Variants in PSMA1 observed in about 807,000 individuals in gnomAD.
The protein encoded by PSMA1 is proteasome 20S subunit alpha 1, also known as proteasome subunit alpha type-1.
Under a neutral mutation model 38.4 loss-of-function variants are expected in PSMA1, and 3 were observed. That is an observed-to-expected ratio of 0.08 (90% CI 0.04 to 0.20). The LOEUF (loss-of-function observed/expected upper bound fraction) is 0.20, where lower values mean the gene tolerates loss of function less well. Among genes scored for constraint, PSMA1 ranks in the 10% least tolerant of loss-of-function variants. The probability of loss-of-function intolerance (pLI) is 1.00; values close to 1 mark genes in which losing one functional copy is unlikely to be tolerated. For missense variants in PSMA1, 227 were observed against 325.3 expected (o/e 0.70, Z 2.32); for synonymous variants, 101 against 107.1 (o/e 0.94, Z 0.35).
intron 1 of PSMA1, among the ~76,000 whole-genome samples, chr11:14,639,006 T>C (rs1853164549): frequency 6.6e-6 from 1 of 152,162 alleles, no homozygotes. Flanking sequence ...ATAGATTTAA[T>C]ACTTTTACCA....
chr11:14,582,883 G>T (rs1203327162), intron 2 of PSMA1, among the ~76,000 whole-genome samples: 1 of 152,140 alleles, frequency 6.6e-6, no homozygotes. Flanking sequence ...GCAACTGAAT[G>T]TATATCCAAG....
rs557942277 is a variant in PSMA1 at position 14,560,821 on chromosome 11, C to T, written c.22-41780G>A. On this transcript the variant is annotated intron_variant, in intron 2 of 10. Coordinates refer to the PSMA1 transcript ENST00000418988. ...GCACCTCAGTTGCACCTGCAGAAGG[C>T]GATTTCATTACTCTGTCAAGCTGAC... Among the ~76,000 whole-genome samples the T allele has an allele frequency of 6.9e-4, 105 of 152,156 alleles. 1 individual carries two copies. The highest frequency in any genetic ancestry group is 9.0e-4 in the Non-Finnish European group (61 of 68,006).
intron 4 of PSMA1, among the ~76,000 whole-genome samples, chr11:14,514,802 A>G (rs902547223): frequency 6.6e-6 from 1 of 152,220 alleles, no homozygotes; most frequent in Non-Finnish European, 1.5e-5. Context: ...TATCCTTCCC[A>G]CTGTCAGCAA....
intron 1 of PSMA1, among the ~76,000 whole-genome samples, chr11:14,636,335 T>A (rs1349592743): frequency 1.3e-5 from 2 of 152,202 alleles, no homozygotes; most frequent in African/African-American, 4.8e-5. Context: ...TTATGCTTTT[T>A]TGTCCCCCTT....
intron 8 of PSMA1, 90 bp from the exon 9 acceptor site, chr11:14,507,856 G>T (rs1851272259): frequency 1.2e-6 from 1 of 861,480 alleles, no homozygotes; most frequent in Non-Finnish European, 1.8e-6. Context: ...AGCAGAATAA[G>T]AATTTATATA....
intron 2 of PSMA1, among the ~76,000 whole-genome samples, chr11:14,539,357 C>G (rs1851746014): frequency 6.6e-6 from 1 of 152,064 alleles, no homozygotes; most frequent in South Asian, 2.1e-4. Flanking sequence ...TTCCACTTTA[C>G]ACAGAGTTGA....
intron 2 of PSMA1, among the ~76,000 whole-genome samples, chr11:14,595,294 T>C (rs1169907607): frequency 1.3e-5 from 2 of 152,204 alleles, no homozygotes; most frequent in African/African-American, 4.8e-5. Context: ...CTGGGTCAAA[T>C]GGTAATTCTA....
intron 2 of PSMA1, among the ~76,000 whole-genome samples, chr11:14,610,050 G>A (rs1263800682): frequency 6.6e-6 from 1 of 152,160 alleles, no homozygotes; most frequent in Admixed American, 6.5e-5. Flanking sequence ...CAGGAGTCAG[G>A]AAATTGTGAG....
intron 2 of PSMA1, among the ~76,000 whole-genome samples, chr11:14,536,603 A>C (rs1386698985): frequency 6.6e-6 from 1 of 151,256 alleles, no homozygotes; most frequent in East Asian, 1.9e-4. Flanking sequence ...GCAGCATTTA[A>C]AAAAATTTTT....
intron 2 of PSMA1, among the ~76,000 whole-genome samples, chr11:14,568,743 C>T (rs1009911412): frequency 6.6e-5 from 10 of 152,228 alleles, no homozygotes; most frequent in African/African-American, 1.2e-4. Flanking sequence ...CTCTTAGTGT[C>T]TTGGCTAGTG....
chr11:14,597,201 A>G (rs1021310459), intron 2 of PSMA1, among the ~76,000 whole-genome samples: 5 of 152,110 alleles, frequency 3.3e-5, no homozygotes, highest in African/African-American at 7.2e-5. Flanking sequence ...TTGGTCTAAA[A>G]TTACTTTTTT....
chr11:14,532,905 T>TAAAAAAAAAAAAAAAAAAAAAAAAAAAAA (rs1045512634), intron 2 of PSMA1, among the ~76,000 whole-genome samples: 1 of 150,524 alleles, frequency 6.6e-6, no homozygotes, highest in African/African-American at 2.5e-5. Context: ...AAAAAAAATT[T>TAAAAAAAAAAAAAAAAAAAAAAAAAAAAA]AAAAAAAATC....
chr11:14,589,391 ATGTG>A (rs1180635712), intron 2 of PSMA1, among the ~76,000 whole-genome samples: 6 of 149,630 alleles, frequency 4.0e-5, no homozygotes, highest in African/African-American at 9.9e-5. Context: ...GTGTATATAT[ATGTG>A]TGTGTATATA....
Position 14,560,194 on chromosome 11 carries a change from C to A in PSMA1, c.22-41153G>T, listed in dbSNP as rs557616835. On this transcript the variant is annotated intron_variant, in intron 2 of 10. Transcript: ENST00000418988. Reference sequence around the variant, plus strand: ...CCAACCAGGGGATCTGAGTGGCAAACCACAGCATTCATTACAGCCAATGCT... The same window carrying A: ...CCAACCAGGGGATCTGAGTGGCAAAACACAGCATTCATTACAGCCAATGCT... Among the ~76,000 whole-genome samples the A allele has an allele frequency of 2.1e-3, 313 of 152,294 alleles. 1 individual carries two copies. Among genetic ancestry groups the A allele is most frequent in the Non-Finnish European group, 3.4e-3 (232 of 68,034 alleles).
At chr11:14,610,014 G>A (rs1010101023) in intron 2 of PSMA1, among the ~76,000 whole-genome samples, 8 of 152,206 alleles carry the variant, frequency 5.3e-5, no homozygotes, top group African/African-American at 1.9e-4. Flanking sequence ...TCTGGATACA[G>A]TTTGGTGGCA....
chr11:14,552,923 C>T (rs1173511127), intron 2 of PSMA1, among the ~76,000 whole-genome samples: 1 of 149,102 alleles, frequency 6.7e-6, no homozygotes, highest in Non-Finnish European at 1.5e-5. Context: ...ATTTCCTGGG[C>T]TCGAGCAATC....
At chr11:14,581,018 T>C (rs373625915) in intron 2 of PSMA1, among the ~76,000 whole-genome samples, 19 of 152,188 alleles carry the variant, frequency 1.2e-4, no homozygotes, top group African/African-American at 4.3e-4. Flanking sequence ...GGGAGCTATG[T>C]AGTTATGGGA....
intron 2 of PSMA1, among the ~76,000 whole-genome samples, chr11:14,531,848 G>C (rs1441351479): frequency 3.9e-5 from 6 of 152,084 alleles, no homozygotes; most frequent in Admixed American, 2.0e-4. Context: ...TCTAGCTCCT[G>C]GTTGGGCTCA....
chr11:14,603,045 C>T (rs1186026691), intron 2 of PSMA1, among the ~76,000 whole-genome samples: 1 of 152,214 alleles, frequency 6.6e-6, no homozygotes, highest in Non-Finnish European at 1.5e-5. Context: ...GAATCATCAG[C>T]TTGGAACATC....
Sources: gnomAD v4.1 joint callset for allele counts (sites outside exome capture counted in the v4.1 genomes callset) on GRCh38, gnomAD v4.1.1 for gene constraint, MANE v1.5 for transcripts, NCBI Gene and HGNC (gene_info 2026-07-23, HGNC 2026-07-21) for gene names.